Variants in FARS2 observed in about 807,000 individuals in gnomAD.
FARS2 encodes phenylalanine--tRNA ligase, mitochondrial.
Under a neutral mutation model 46.4 loss-of-function variants are expected in FARS2, and 40 were observed. That is an observed-to-expected ratio of 0.86 (90% CI 0.67 to 1.12). The LOEUF (loss-of-function observed/expected upper bound fraction) is 1.12, where lower values mean the gene tolerates loss of function less well. FARS2 is among the 50% of genes most tolerant of loss of function. FARS2 has a pLI of 0.00. For synonymous variants in FARS2, 234 were observed against 214.9 expected, an observed-to-expected ratio of 1.09 and a Z score of -0.78; for missense variants, 513 against 567.9, an observed-to-expected ratio of 0.90 and a Z score of 0.98.
intron 2 of FARS2, among the ~76,000 whole-genome samples, chr6:5,396,486 T>C (rs796531288): frequency 2.0e-5 from 3 of 152,350 alleles, no homozygotes; most frequent in African/African-American, 7.2e-5. Context: ...TGAGGATTTT[T>C]CACCCCCTGG....
At chr6:5,256,423 G>T (rs1232130665), upstream of FARS2, among the ~76,000 whole-genome samples, 1 of 142,100 alleles carries the variant, frequency 7.0e-6, no homozygotes, top group South Asian at 2.2e-4. Flanking sequence ...CTGGGAGGTG[G>T]AGGTTGCAGT....
At chr6:5,266,620 T>TA (rs1317077910) in intron 1 of FARS2, among the ~76,000 whole-genome samples, 3 of 152,200 alleles carry the variant, frequency 2.0e-5, no homozygotes, top group Non-Finnish European at 4.4e-5. Context: ...CTAGCTATGA[T>TA]ACAACACTGC....
At chr6:5,283,781 C>A (rs1321641262) in intron 1 of FARS2, among the ~76,000 whole-genome samples, 1 of 151,674 alleles carries the variant, frequency 6.6e-6, no homozygotes, top group African/African-American at 2.4e-5. Context: ...TCAAATGTAT[C>A]AATACATGTA....
At chr6:5,696,085 A>G (rs1758088964) in intron 6 of FARS2, among the ~76,000 whole-genome samples, 2 of 152,332 alleles carry the variant, frequency 1.3e-5, no homozygotes, top group South Asian at 4.1e-4. Context: ...AGCGTGCAGG[A>G]CAACAGGTAC....
At chr6:5,356,351 G>A (rs992077197) in intron 1 of FARS2, among the ~76,000 whole-genome samples, 2 of 152,186 alleles carry the variant, frequency 1.3e-5, no homozygotes, top group Non-Finnish European at 2.9e-5. Context: ...TCGGGAGACT[G>A]AGGCACAAGA....
intron 5 of FARS2, among the ~76,000 whole-genome samples, chr6:5,572,245 G>A (rs111667537): frequency 6.6e-6 from 1 of 152,098 alleles, no homozygotes; most frequent in African/African-American, 2.4e-5. Context: ...CAGCCATGGC[G>A]GAAGGTGAAG....
intron 4 of FARS2, among the ~76,000 whole-genome samples, chr6:5,473,589 G>A (rs1232546400): frequency 2.7e-5 from 4 of 150,878 alleles, no homozygotes; most frequent in Non-Finnish European, 4.4e-5. Flanking sequence ...ATTCAGGAGA[G>A]GGCATCTAAA....
intron 5 of FARS2, among the ~76,000 whole-genome samples, chr6:5,584,474 TA>T (rs745507818): frequency 9.2e-5 from 14 of 152,196 alleles, no homozygotes; most frequent in Non-Finnish European, 1.9e-4. Context: ...TCATATATTT[TA>T]AATGTGGTTT....
chr6:5,693,343 C>G (rs1000077859), intron 6 of FARS2, among the ~76,000 whole-genome samples: 7 of 152,212 alleles, frequency 4.6e-5, no homozygotes, highest in African/African-American at 1.7e-4. Flanking sequence ...CACCACTAAT[C>G]CTGGAGCAGC....
intron 1 of FARS2, among the ~76,000 whole-genome samples, chr6:5,283,401 T>C (rs1229130317): frequency 1.4e-5 from 2 of 142,338 alleles, no homozygotes; most frequent in African/African-American, 5.6e-5. Context: ...AAAAACAAAT[T>C]AGCCAGGCGT....
intron 4 of FARS2, among the ~76,000 whole-genome samples, chr6:5,463,342 A>T (rs1396648200): frequency 6.6e-6 from 1 of 152,182 alleles, no homozygotes; most frequent in Non-Finnish European, 1.5e-5. Flanking sequence ...GTTGTTTATT[A>T]GTTCTAGAAG....
intron 3 of FARS2, among the ~76,000 whole-genome samples, chr6:5,416,950 C>T (rs1197559491): frequency 1.3e-5 from 2 of 152,104 alleles, no homozygotes; most frequent in South Asian, 2.1e-4. Context: ...CTCCTAAATA[C>T]GTTATGATTG....
At chr6:5,529,220 G>A (rs999839754) in intron 4 of FARS2, among the ~76,000 whole-genome samples, 11 of 152,192 alleles carry the variant, frequency 7.2e-5, no homozygotes, top group African/African-American at 2.4e-4. Context: ...CTCGTGATGA[G>A]CAAGTCAATG....
chr6:5,735,868 G>C (rs547852424), intron 6 of FARS2, among the ~76,000 whole-genome samples: 51 of 152,190 alleles, frequency 3.4e-4, no homozygotes, highest in Non-Finnish European at 5.7e-4. Flanking sequence ...GAAGTTAAGA[G>C]TGTCCTGACA....
chr6:5,684,280 G>A (rs1779185304), intron 6 of FARS2, among the ~76,000 whole-genome samples: 1 of 152,048 alleles, frequency 6.6e-6, no homozygotes, highest in Non-Finnish European at 1.5e-5. Flanking sequence ...AAACCCCACT[G>A]ACACGTCCCC....
intron 1 of FARS2, among the ~76,000 whole-genome samples, chr6:5,282,189 T>G (rs574542008): frequency 2.6e-5 from 4 of 152,168 alleles, no homozygotes; most frequent in Non-Finnish European, 5.9e-5. Context: ...TCAAGGAAAG[T>G]GTTACCTTGC....
chr6:5,768,746 C>T (rs1219553298), intron 6 of FARS2, among the ~76,000 whole-genome samples: 1 of 152,130 alleles, frequency 6.6e-6, no homozygotes, highest in Non-Finnish European at 1.5e-5. Context: ...AACATTTTTT[C>T]ATGTGCTTGT....
intron 6 of FARS2, among the ~76,000 whole-genome samples, chr6:5,652,897 G>C (rs2049958): frequency 0.31 from 47,006 of 152,110 alleles, 8,053 homozygotes; most frequent in East Asian, 0.58. Flanking sequence ...ATCGTGTCCA[G>C]GATCCTAAGA....
chr6:5,679,231 G>A (rs1246222788), intron 6 of FARS2, among the ~76,000 whole-genome samples: 1 of 152,096 alleles, frequency 6.6e-6, no homozygotes, highest in Non-Finnish European at 1.5e-5. Flanking sequence ...GCTTTCTAGG[G>A]GTGATACCCT....
Sources: gnomAD v4.1 joint callset for allele counts (sites outside exome capture counted in the v4.1 genomes callset) on GRCh38, gnomAD v4.1.1 for gene constraint, MANE v1.5 for transcripts, NCBI Gene and HGNC (gene_info 2026-07-23, HGNC 2026-07-21) for gene names.